Variants in NCKAP5 observed in about 807,000 individuals in gnomAD.
The protein encoded by NCKAP5 is nck-associated protein 5.
A neutral mutation model predicts 167.0 loss-of-function variants in NCKAP5; 92 were observed. That is an observed-to-expected ratio of 0.55 (90% confidence interval 0.47 to 0.66). The LOEUF is 0.66. Among genes scored for constraint, NCKAP5 ranks in the 30% least tolerant of loss-of-function variants. NCKAP5 has a pLI of 0.00. For synonymous variants in NCKAP5, 891 were observed against 877.4 expected, an observed-to-expected ratio of 1.02 and a Z score of -0.27; for missense variants, 2,378 against 2,315.0, an observed-to-expected ratio of 1.03 and a Z score of -0.56.
At chr2:133,206,157 T>C (rs1355790988) in intron 5 of NCKAP5, among the ~76,000 whole-genome samples, 2 of 152,218 alleles carry the variant, frequency 1.3e-5, no homozygotes, top group Admixed American at 6.5e-5. Context: ...CATCATTAAG[T>C]ACAATGTTTA....
Position 132,782,048 on chromosome 2 carries a change from C to CGATTAT in NCKAP5, c.4757_4762dup (p.Asn1587_Arg1588insHisAsn). 2 of 1,613,938 alleles carry CGATTAT rather than the reference C, an allele frequency of 1.2e-6. No homozygotes were observed. Among genetic ancestry groups the CGATTAT allele is most frequent in the Non-Finnish European group, 1.7e-6 (2 of 1,179,876 alleles). On this transcript the variant is annotated inframe_insertion, in exon 14 of 20. Coordinates refer to ENST00000409261, the MANE Select transcript of NCKAP5 (RefSeq NM_207363.3). ...GTTGTAAATGTCTTGTGGTGTTCTC[C>CGATTAT]GATTATTTTTGCTTTGTAAACCGCC...
At chr2:132,777,428 A>C (rs1040487289) in intron 15 of NCKAP5, among the ~76,000 whole-genome samples, 1 of 152,198 alleles carries the variant, frequency 6.6e-6, no homozygotes, top group African/African-American at 2.4e-5. Flanking sequence ...TTCATAATTA[A>C]ACCCAAATTT....
chr2:132,863,129 T>C (rs2148726507), intron 10 of NCKAP5, among the ~76,000 whole-genome samples: 1 of 152,296 alleles, frequency 6.6e-6, no homozygotes, highest in East Asian at 1.9e-4. Context: ...AAAACTTGCT[T>C]TCTTTATTTA....
intron 5 of NCKAP5, among the ~76,000 whole-genome samples, chr2:133,189,345 T>A (rs529033706): frequency 1.3e-5 from 2 of 152,288 alleles, no homozygotes; most frequent in African/African-American, 4.8e-5. Context: ...AGCTGAATTC[T>A]ACCAGAGGTA....
intron 2 of NCKAP5, among the ~76,000 whole-genome samples, chr2:133,532,975 C>T (rs1685483363): frequency 6.6e-6 from 1 of 152,192 alleles, no homozygotes; most frequent in Non-Finnish European, 1.5e-5. Context: ...CACAATTCAA[C>T]TTGATTCTCT....
At position 132,827,046 on chromosome 2, in the gene NCKAP5, T is replaced by C. The variant is rs137908954; in HGVS notation, c.808-30317A>G. 4.0e-4 allele frequency among the ~76,000 whole-genome samples: 61 copies of C among 152,184 alleles called. No individual in the cohort carries two copies. The East Asian group carries it at 9.5e-3, about 24-fold the overall frequency. On this transcript the variant is annotated intron_variant, in intron 11 of 19. Transcript: ENST00000409261. ...AGGGAAGAAAAGAGGCTGCTTTTCA[T>C]GGGGAGCAGAAGACTGCATGGTGGT...
intron 8 of NCKAP5, among the ~76,000 whole-genome samples, chr2:132,954,356 T>A (rs1257524853): frequency 6.6e-6 from 1 of 152,204 alleles, no homozygotes; most frequent in Non-Finnish European, 1.5e-5. Context: ...GCTGCCTCCA[T>A]CAGCTTCATT....
At position 132,690,115 on chromosome 2, in the gene NCKAP5, G is replaced by GA. The variant is rs201640862; in HGVS notation, c.5714-16811dup. Among the ~76,000 whole-genome samples, 336 of 151,372 alleles carry GA rather than the reference G, an allele frequency of 2.2e-3. 2 individuals are homozygous for GA. Among genetic ancestry groups the GA allele is most frequent in the African/African-American group, 7.2e-3 (299 of 41,268 alleles). On this transcript the variant is annotated intron_variant, in intron 19 of 19. Coordinates refer to ENST00000409261, the MANE Select transcript of NCKAP5 (RefSeq NM_207363.3). ...TGTTATTTTTTTATAACATTGATGAGAAAAAAAAATCAATTCCTGCCAGGC... is the reference window on the plus strand; with the variant it reads ...TGTTATTTTTTTATAACATTGATGAGAAAAAAAAAATCAATTCCTGCCAGGC...
chr2:132,709,871 C>A (rs1054664451), intron 19 of NCKAP5, among the ~76,000 whole-genome samples: 14 of 151,886 alleles, frequency 9.2e-5, no homozygotes, highest in Non-Finnish European at 1.3e-4. Context: ...TCAAAGTACA[C>A]GACAAAGTAC....
chr2:133,071,697 C>T (rs1243216779), intron 6 of NCKAP5, among the ~76,000 whole-genome samples: 1 of 152,124 alleles, frequency 6.6e-6, no homozygotes, highest in Non-Finnish European at 1.5e-5. Context: ...AGAATTTAAG[C>T]CTCTTTCCAA....
At chr2:133,253,143 C>T (rs1224625950) in intron 4 of NCKAP5, among the ~76,000 whole-genome samples, 2 of 152,204 alleles carry the variant, frequency 1.3e-5, no homozygotes, top group African/African-American at 2.4e-5. Context: ...CCAACTTTTC[C>T]ACTCAACGAT....
At chr2:133,533,828 C>T (rs1685547838) in intron 2 of NCKAP5, among the ~76,000 whole-genome samples, 1 of 151,968 alleles carries the variant, frequency 6.6e-6, no homozygotes, top group Admixed American at 6.6e-5. Flanking sequence ...ATTTGAAAGT[C>T]TCTCCTTCAA....
In NCKAP5 at chr2:133,033,575, C is replaced by G. The variant is rs192701476; in HGVS notation, c.342-39336G>C. Among the ~76,000 whole-genome samples, 164 of 152,202 alleles carry G rather than the reference C, an allele frequency of 1.1e-3. 1 individual carries two copies. Among genetic ancestry groups the G allele is most frequent in the African/African-American group, 3.9e-3 (160 of 41,534 alleles). On this transcript the variant is annotated intron_variant, in intron 6 of 19. Transcript: ENST00000409261. ...GATGCGATCTTTCAGACCAAGAATT[C>G]AAAATAGCTGCGTTGAGGAAACTCA...
chr2:133,547,768 A>T (rs1452226509), intron 2 of NCKAP5, among the ~76,000 whole-genome samples: 2 of 149,698 alleles, frequency 1.3e-5, no homozygotes, highest in African/African-American at 4.9e-5. Flanking sequence ...TAAAACCACA[A>T]AGATGGGGAA....
chr2:132,819,001 T>G (rs1686500620), intron 11 of NCKAP5, among the ~76,000 whole-genome samples: 1 of 152,244 alleles, frequency 6.6e-6, no homozygotes, highest in Non-Finnish European at 1.5e-5. Flanking sequence ...TTTTGGCAAC[T>G]GTATTTCAAT....
At chr2:132,962,319 T>C (rs1189011293) in intron 8 of NCKAP5, among the ~76,000 whole-genome samples, 1 of 152,172 alleles carries the variant, frequency 6.6e-6, no homozygotes, top group Admixed American at 6.5e-5. Context: ...TAAGGCTAAT[T>C]ACTATTACTA....
At chr2:133,179,979 G>GA (rs2150030302) in intron 5 of NCKAP5, among the ~76,000 whole-genome samples, 1 of 152,012 alleles carries the variant, frequency 6.6e-6, no homozygotes, top group African/African-American at 2.4e-5. Context: ...ACAGATTTAA[G>GA]AAACAGAGTA....
At chr2:132,933,250 A>G (rs933536486) in intron 8 of NCKAP5, among the ~76,000 whole-genome samples, 7 of 151,996 alleles carry the variant, frequency 4.6e-5, no homozygotes, top group Admixed American at 1.3e-4. Context: ...CACTTTTTCT[A>G]TATTTTGCCA....
Position 132,860,583 on chromosome 2 carries a change from T to C in NCKAP5, c.716A>G (p.Lys239Arg). ...CTGTTCCAAATCAAACACTCTTGTT[T>C]TCAACTTCACACATTCCTCTCTTAG... The part of the protein sequence containing the change: ...KDLREECVKL[K>R]TRVFDLEQQN... Residue 239 changes from lysine to arginine, a missense_variant, in exon 11 of 20, where the codon AAA becomes AGA. Transcript: ENST00000409261. 6.3e-7 allele frequency: 1 copy of C among 1,580,838 alleles called. No individual in the cohort carries two copies. The highest frequency in any genetic ancestry group is 2.3e-5 in the East Asian group (1 of 43,910).
Sources: gnomAD v4.1 joint callset for allele counts (sites outside exome capture counted in the v4.1 genomes callset) on GRCh38, gnomAD v4.1.1 for gene constraint, MANE v1.5 for transcripts, NCBI Gene and HGNC (gene_info 2026-07-23, HGNC 2026-07-21) for gene names.